The following UBE2E2 variants were observed in gnomAD, a reference collection of about 807,000 sequenced individuals.
The protein encoded by UBE2E2 is ubiquitin conjugating enzyme E2 E2.
UBE2E2 carries 6 observed loss-of-function variants against 24.7 expected under a neutral mutation model. The ratio of observed to expected loss-of-function variants is 0.24; its 90% CI spans 0.13 to 0.48. UBE2E2 has a LOEUF of 0.48. Among genes scored for constraint, UBE2E2 ranks in the 20% least tolerant of loss-of-function variants. The pLI, the probability that UBE2E2 is intolerant of heterozygous loss-of-function variation, is 0.99. For missense variants in UBE2E2, 169 were observed against 245.0 expected (o/e 0.69, Z 2.07); for synonymous variants, 104 against 83.6 (o/e 1.24, Z -1.33).
intron 3 of UBE2E2, among the ~76,000 whole-genome samples, chr3:23,465,340 A>G (rs534184480): frequency 1.3e-5 from 2 of 152,308 alleles, no homozygotes; most frequent in African/African-American, 4.8e-5. Context: ...GGCAATTGGA[A>G]TCACACTAGG....
chr3:23,305,253 A>G (rs1397083485), intron 3 of UBE2E2, among the ~76,000 whole-genome samples: 1 of 152,242 alleles, frequency 6.6e-6, no homozygotes, highest in South Asian at 2.1e-4. Flanking sequence ...ATGGCATTCC[A>G]TAACAGCTAA....
At position 23,589,718 on chromosome 3, in the gene UBE2E2, T is replaced by C; in HGVS notation, c.509-16T>C. The C allele has an allele frequency of 6.2e-7, 1 of 1,613,538 alleles. No individual in the cohort carries two copies. On this transcript the variant is annotated splice_polypyrimidine_tract_variant and intron_variant, in intron 5 of 5. Transcript: ENST00000396703. This position sits in a 1 kb window ranked among gnomAD's most constrained non-coding sequence, Gnocchi z 4.1. Reference sequence around the variant, plus strand: ...GTGCTGGTATTTACTGACTCCCAACTCTGCTTTCCTTGCAGCTGACCCTCT... The same window carrying C: ...GTGCTGGTATTTACTGACTCCCAACCCTGCTTTCCTTGCAGCTGACCCTCT...
chr3:23,404,987 T>G (rs1023319771), intron 3 of UBE2E2, among the ~76,000 whole-genome samples: 1 of 152,228 alleles, frequency 6.6e-6, no homozygotes, highest in African/African-American at 2.4e-5. Flanking sequence ...CTTATATACT[T>G]TGACTCAGAT....
chr3:23,352,878 A>G (rs1250334224), intron 3 of UBE2E2, among the ~76,000 whole-genome samples: 2 of 152,214 alleles, frequency 1.3e-5, no homozygotes, highest in African/African-American at 2.4e-5. Flanking sequence ...TCCCTAACTC[A>G]TTTTATAAGG....
chr3:23,220,729 A>G (rs1297784248), intron 3 of UBE2E2, among the ~76,000 whole-genome samples: 1 of 152,198 alleles, frequency 6.6e-6, no homozygotes, highest in Non-Finnish European at 1.5e-5. Flanking sequence ...CTTGCACACC[A>G]GCTTAGATGG....
chr3:23,382,695 T>A (rs543316026), intron 3 of UBE2E2, among the ~76,000 whole-genome samples: 24 of 152,332 alleles, frequency 1.6e-4, no homozygotes, highest in Admixed American at 1.2e-3. Context: ...GCTTGTGGAC[T>A]CCATTTTGTG....
At chr3:23,329,764 G>A (rs780606220) in intron 3 of UBE2E2, among the ~76,000 whole-genome samples, 33 of 152,242 alleles carry the variant, frequency 2.2e-4, no homozygotes, top group Non-Finnish European at 3.7e-4. Flanking sequence ...GAACGTTGCC[G>A]TACATGGGTC....
At chr3:23,473,798 G>C (rs1439549197) in intron 3 of UBE2E2, among the ~76,000 whole-genome samples, 1 of 151,958 alleles carries the variant, frequency 6.6e-6, no homozygotes, top group African/African-American at 2.4e-5. Flanking sequence ...CTTTATCCAC[G>C]CATTGATTGT....
chr3:23,383,637 T>A (rs191002219), intron 3 of UBE2E2, among the ~76,000 whole-genome samples: 1 of 151,980 alleles, frequency 6.6e-6, no homozygotes, highest in Non-Finnish European at 1.5e-5. Flanking sequence ...CTGAGGTTTT[T>A]TTTGTTTTGT....
intron 3 of UBE2E2, among the ~76,000 whole-genome samples, chr3:23,283,439 G>T (rs146599101): frequency 6.6e-6 from 1 of 152,206 alleles, no homozygotes; most frequent in African/African-American, 2.4e-5. Flanking sequence ...AGAAATTTAG[G>T]TCGGTGGTTC....
chr3:23,466,279 C>G (rs1212989845), intron 3 of UBE2E2, among the ~76,000 whole-genome samples: 1 of 152,028 alleles, frequency 6.6e-6, no homozygotes, highest in Non-Finnish European at 1.5e-5. Flanking sequence ...CAGTTAGTAC[C>G]TGAATAGGCA....
intron 3 of UBE2E2, among the ~76,000 whole-genome samples, chr3:23,267,645 A>G (rs1379327748): frequency 3.3e-5 from 5 of 152,090 alleles, no homozygotes; most frequent in African/African-American, 1.2e-4. Flanking sequence ...AACTGGTACC[A>G]TTCCTTCTGA....
chr3:23,328,904 C>T (rs550444842), intron 3 of UBE2E2, among the ~76,000 whole-genome samples: 3 of 152,250 alleles, frequency 2.0e-5, no homozygotes, highest in East Asian at 3.9e-4. Flanking sequence ...TCAAATGATC[C>T]GCCCACCTCG....
intron 3 of UBE2E2, among the ~76,000 whole-genome samples, chr3:23,461,549 C>G (rs1281414930): frequency 6.6e-6 from 1 of 151,448 alleles, no homozygotes; most frequent in African/African-American, 2.4e-5. Context: ...AAATAGATAC[C>G]TACTTCTAGA....
Position 23,424,443 on chromosome 3 carries a change from T to G in UBE2E2, c.228-75165T>G, listed in dbSNP as rs112661737. On this transcript the variant is annotated intron_variant, in intron 3 of 5. Transcript: ENST00000396703. ...TTAACTGACTTAAACACCTTTGTTTTTTTTTTTTTCTGTATTTGCTTTAAG... is the reference window on the plus strand; with the variant it reads ...TTAACTGACTTAAACACCTTTGTTTGTTTTTTTTTCTGTATTTGCTTTAAG... Among the ~76,000 whole-genome samples the G allele has an allele frequency of 5.7e-3, 870 of 151,938 alleles. 9 individuals carry two copies. Among genetic ancestry groups the G allele is most frequent in the African/African-American group, 0.02 (831 of 41,480 alleles).
In UBE2E2 at chr3:23,536,181, A is replaced by G. The variant is rs185376589; in HGVS notation, c.508+3480A>G. Among the ~76,000 whole-genome samples, 14 of 152,268 alleles carry G rather than the reference A, an allele frequency of 9.2e-5. No homozygotes were observed. The East Asian group carries it at 2.3e-3, about 25-fold the overall frequency. ...TCTTAGATGTTTGGTAATATTCTTT[A>G]TATGAAATCTGTTTCTTTAACAATT... On this transcript the variant is annotated intron_variant, in intron 5 of 5. Transcript: ENST00000396703.
At chr3:23,212,486 G>A (rs1696356036) in intron 2 of UBE2E2, among the ~76,000 whole-genome samples, 1 of 152,046 alleles carries the variant, frequency 6.6e-6, no homozygotes, top group South Asian at 2.1e-4. Flanking sequence ...TGCTTTTACG[G>A]GTTGATACAT....
intron 3 of UBE2E2, among the ~76,000 whole-genome samples, chr3:23,355,559 T>C (rs1412556785): frequency 6.6e-6 from 1 of 152,190 alleles, no homozygotes; most frequent in East Asian, 1.9e-4. Flanking sequence ...TTTTTTCCTG[T>C]GATGATTTGA....
At chr3:23,244,352 C>T (rs1697332178) in intron 3 of UBE2E2, among the ~76,000 whole-genome samples, 1 of 152,086 alleles carries the variant, frequency 6.6e-6, no homozygotes, top group Non-Finnish European at 1.5e-5. Flanking sequence ...TAGTGTCTAG[C>T]TTTATGTGCA....
Sources: allele counts gnomAD v4.1 joint callset (sites outside exome capture counted in the v4.1 genomes callset), GRCh38; gene constraint gnomAD v4.1.1; non-coding constraint Gnocchi (gnomAD v3.1); transcripts MANE v1.5; gene names NCBI Gene and HGNC (gene_info 2026-07-23, HGNC 2026-07-21).